The following SYNE2 variants were observed in gnomAD, a reference collection of about 807,000 sequenced individuals.
SYNE2 encodes the protein spectrin repeat containing nuclear envelope protein 2.
In SYNE2, 431 loss-of-function variants were observed where a neutral mutation model predicts 856.3. The ratio of observed to expected loss-of-function variants is 0.50; its 90% CI spans 0.47 to 0.55. The LOEUF (loss-of-function observed/expected upper bound fraction) is 0.55, where lower values mean the gene tolerates loss of function less well. Among genes scored for constraint, SYNE2 ranks in the 20% least tolerant of loss-of-function variants. The pLI is 0.00. For missense variants in SYNE2, 8,129 were observed against 8,023.2 expected (o/e 1.01, Z -0.50); for synonymous variants, 2,923 against 2,872.3 (o/e 1.02, Z -0.56).
intron 35 of SYNE2, 27 bp downstream of exon 35, chr14:64,020,120 G>T: frequency 6.8e-7 from 1 of 1,478,176 alleles, no homozygotes; most frequent in South Asian, 1.1e-5. Flanking sequence ...AAAAGTTTCA[G>T]TTATTGAGGC....
chr14:64,138,979 G>GTA (rs1339026503), intron 79 of SYNE2, among the ~76,000 whole-genome samples: 1 of 135,966 alleles, frequency 7.4e-6, no homozygotes, highest in Non-Finnish European at 1.6e-5. Context: ...GTGTGTGTGT[G>GTA]TATGTAATTT....
rs548977600 is a variant in SYNE2, at chr14:63,870,769, A to G, written c.-52+17626A>G. 1.3e-3 allele frequency among the ~76,000 whole-genome samples: 192 copies of G among 152,064 alleles called. 1 individual carries two copies. In the Middle Eastern group the frequency reaches 0.02, roughly 16 times the overall value. On this transcript the variant is annotated intron_variant, in intron 1 of 115. Transcript: ENST00000555002. ...AACCCAAGCTTTTAACCACTACACT[A>G]TACCACAGACATTTCTAAAATTCAC...
chr14:63,950,030 A>G (rs1275292826), intron 7 of SYNE2, 24 bp downstream of exon 7: 1 of 1,613,112 alleles, frequency 6.2e-7, no homozygotes, highest in Admixed American at 1.7e-5. Flanking sequence ...TATGACCCTA[A>G]GAGACACACA....
chr14:64,015,295 A>G (rs1277566820), intron 32 of SYNE2, among the ~76,000 whole-genome samples: 14 of 151,846 alleles, frequency 9.2e-5, no homozygotes, highest in Non-Finnish European at 1.9e-4. Flanking sequence ...ATGTTTGGTC[A>G]AATTCTCTAG....
At position 64,225,411 on chromosome 14, in the gene SYNE2, T is replaced by C. The variant is rs1213044454; in HGVS notation, c.20609T>C (p.Leu6870Pro). The change falls in exon 116 of 116, where the codon CTC becomes CCC. Residue 6870 changes from leucine to proline, a missense_variant. This residue lies in a region of SYNE2 where 5,410 missense variants were observed against 5,284.8 expected (regional missense o/e 1.02). Coordinates refer to ENST00000555002, the MANE Select transcript of SYNE2 (RefSeq NM_182914.3). Reference sequence around the variant, plus strand: ...CAGCTGCTCCTCCTGCTGCTGCTGCTCCTGGCCTGCCTGCTGCCCTCCTCC... The same window carrying C: ...CAGCTGCTCCTCCTGCTGCTGCTGCCCCTGGCCTGCCTGCTGCCCTCCTCC... ...PLQLLLLLLL[L>P]LACLLPSSEE... The C allele has an allele frequency of 6.2e-7, 1 of 1,614,110 alleles. No homozygotes were observed. The highest frequency in any genetic ancestry group is 8.5e-7 in the Non-Finnish European group (1 of 1,179,994).
intron 1 of SYNE2, among the ~76,000 whole-genome samples, chr14:63,865,697 A>G (rs1213732787): frequency 1.4e-5 from 2 of 140,392 alleles, no homozygotes; most frequent in African/African-American, 2.6e-5. Flanking sequence ...GGGCAACAAG[A>G]GCAAAACTCT....
At chr14:64,089,504 C>T in intron 58 of SYNE2, 70 bp from the exon 59 acceptor site, 6 of 1,470,666 alleles carry the variant, frequency 4.1e-6, no homozygotes, top group Non-Finnish European at 4.6e-6. Context: ...AAAATTAATG[C>T]CAATAAACTG....
At chr14:64,112,645 T>C (rs2153656562) in intron 65 of SYNE2, among the ~76,000 whole-genome samples, 1 of 152,348 alleles carries the variant, frequency 6.6e-6, no homozygotes, top group Middle Eastern at 3.4e-3. Flanking sequence ...TGTGAGCATC[T>C]AGTCCTTAAC....
intron 57 of SYNE2, among the ~76,000 whole-genome samples, chr14:64,086,539 G>T (rs2097562671): frequency 6.6e-6 from 1 of 152,078 alleles, no homozygotes; most frequent in Non-Finnish European, 1.5e-5. Flanking sequence ...ATAAAGGTCT[G>T]TGGGAATTTT....
intron 49 of SYNE2, among the ~76,000 whole-genome samples, chr14:64,059,598 G>A (rs952259790): frequency 1.3e-5 from 2 of 152,242 alleles, no homozygotes; most frequent in African/African-American, 4.8e-5. Context: ...CCACTACAGA[G>A]AGTGTACTGA....
At chr14:63,993,791 A>G (rs773550276) in intron 21 of SYNE2, 44 bp from the exon 22 acceptor site, 9 of 1,568,124 alleles carry the variant, frequency 5.7e-6, no homozygotes, top group Non-Finnish European at 6.9e-6. Flanking sequence ...TTGGCAGTAG[A>G]ATGAGGCTTT....
intron 1 of SYNE2, among the ~76,000 whole-genome samples, chr14:63,845,503 T>G (rs1208875355): frequency 6.6e-6 from 1 of 152,132 alleles, no homozygotes; most frequent in Non-Finnish European, 1.5e-5. Flanking sequence ...TTTTAAAATT[T>G]AGTGTTATAC....
chr14:63,986,317 C>G, intron 18 of SYNE2, 139 bp from the exon 19 acceptor site: 1 of 895,468 alleles, frequency 1.1e-6, no homozygotes, highest in Non-Finnish European at 1.7e-6. Context: ...CCAGACTGGT[C>G]ACAAACTCCT....
chr14:64,045,623 A>G (rs981552724), intron 45 of SYNE2, among the ~76,000 whole-genome samples: 1 of 152,170 alleles, frequency 6.6e-6, no homozygotes. Context: ...CTGCTGCCCT[A>G]GGTGTAGATT....
rs554027219 is a variant in SYNE2 at position 63,901,956 on chromosome 14, C to A, written c.-51-7142C>A. Among the ~76,000 whole-genome samples, 163 of 151,834 alleles carry A rather than the reference C, an allele frequency of 1.1e-3. 5 individuals are homozygous for A. The South Asian group carries it at 0.033, about 31-fold the overall frequency. On this transcript the variant is annotated intron_variant, in intron 1 of 115. Transcript: ENST00000555002. Reference sequence around the variant, plus strand: ...CAACAAACCAAACAAAACCAAAACCCCCAAATAGCTTATGTCATTGGTAAA... The same window carrying A: ...CAACAAACCAAACAAAACCAAAACCACCAAATAGCTTATGTCATTGGTAAA...
intron 14 of SYNE2, among the ~76,000 whole-genome samples, chr14:63,980,211 T>C (rs1317791429): frequency 6.6e-6 from 1 of 152,216 alleles, no homozygotes; most frequent in Non-Finnish European, 1.5e-5. Flanking sequence ...TTAATGGTAG[T>C]TTCTGAAATG....
At chr14:64,190,014 G>A in intron 98 of SYNE2, 57 bp from the exon 99 acceptor site, 2 of 1,593,712 alleles carry the variant, frequency 1.3e-6, no homozygotes, top group Non-Finnish European at 1.7e-6. Flanking sequence ...TCTGTGGCTG[G>A]AGAAGAAATG....
Position 63,983,614 on chromosome 14 carries a change from AAC to A in SYNE2, c.2002-120_2002-119del. On this transcript the variant is annotated intron_variant, in intron 17 of 115. Transcript: ENST00000555002. ...TTTATGTGAAATGCTCATATTTTAT[AAC>A]ACTGTTGTAGTTTAATCCTAAACAT... The A allele has an allele frequency of 3.8e-6, 3 of 799,166 alleles. No individual in the cohort carries two copies. The South Asian group carries it at 5.1e-5, about 14-fold the overall frequency. 49.5% of individuals were successfully genotyped at this position (799,166 alleles called of 1,614,324 possible).
chr14:64,110,031 C>T (rs1289270563), intron 65 of SYNE2, among the ~76,000 whole-genome samples: 3 of 152,142 alleles, frequency 2.0e-5, no homozygotes, highest in African/African-American at 7.2e-5. Flanking sequence ...TAAACCACCA[C>T]CATGCCATTC....
Sources: gnomAD v4.1 joint callset for allele counts (sites outside exome capture counted in the v4.1 genomes callset) on GRCh38, gnomAD v4.1.1 for gene constraint, gnomAD v4.1.1 regional missense constraint, MANE v1.5 for transcripts, NCBI Gene and HGNC (gene_info 2026-07-23, HGNC 2026-07-21) for gene names.